The following SLC9B1 variants were observed in gnomAD, a reference collection of about 807,000 sequenced individuals.
The protein encoded by SLC9B1 is solute carrier family 9 member B1, also known as sodium/hydrogen exchanger 9B1.
SLC9B1 carries 32 observed loss-of-function variants against 51.7 expected under a neutral mutation model. The observed-to-expected ratio is 0.62, with a 90% CI of 0.47 to 0.83. The LOEUF is 0.83. Ranked by LOEUF, SLC9B1 falls within the 40% of genes least tolerant of loss-of-function variation. SLC9B1 has a pLI of 0.00. For missense variants in SLC9B1, 406 were observed against 613.2 expected (o/e 0.66, Z 3.57); for synonymous variants, 145 against 212.7 (o/e 0.68, Z 2.77).
chr4:103,009,918 A>AT (rs36037588), intron 1 of SLC9B1, among the ~76,000 whole-genome samples: 82,814 of 151,798 alleles, frequency 0.55, 23,139 homozygotes, highest in African/African-American at 0.68. Context: ...CTAGGTCAGT[A>AT]TTTTTTTTAA....
At chr4:102,963,345 G>A (rs534520530) in intron 3 of SLC9B1, 1 of 247,042 alleles carries the variant, frequency 4.0e-6, no homozygotes, top group Non-Finnish European at 8.0e-6. Flanking sequence ...TGCCTTGAAA[G>A]CATCATTTAA....
chr4:102,959,092 C>A (rs1254610589), intron 3 of SLC9B1, among the ~76,000 whole-genome samples: 1 of 151,866 alleles, frequency 6.6e-6, no homozygotes, highest in East Asian at 1.9e-4. Flanking sequence ...TGTGAATGGA[C>A]TAAAATAAAA....
chr4:102,931,295 G>A (rs1736444096), intron 7 of SLC9B1, among the ~76,000 whole-genome samples: 1 of 151,620 alleles, frequency 6.6e-6, no homozygotes, highest in Non-Finnish European at 1.5e-5. Context: ...AGAGAGAGAG[G>A]GGGAAGGGAA....
intron 1 of SLC9B1, among the ~76,000 whole-genome samples, chr4:102,999,844 T>C (rs992715049): frequency 6.6e-6 from 1 of 152,206 alleles, no homozygotes; most frequent in Non-Finnish European, 1.5e-5. Context: ...TTCACACTTG[T>C]TCTATAAAGA....
chr4:102,898,894 GT>G (rs1176545100), downstream of SLC9B1, among the ~76,000 whole-genome samples: 74 of 152,044 alleles, frequency 4.9e-4, no homozygotes, highest in African/African-American at 1.7e-3. Flanking sequence ...CGCCTGGCTA[GT>G]TTTTTGTATT....
intron 11 of SLC9B1, among the ~76,000 whole-genome samples, chr4:102,903,994 G>A (rs572426218): frequency 6.6e-6 from 1 of 152,224 alleles, no homozygotes; most frequent in African/African-American, 2.4e-5. Flanking sequence ...GTGCATTTGT[G>A]TGATGGAGTG....
chr4:102,905,211 T>TTATTTATTTATA (rs2110425631), intron 11 of SLC9B1, among the ~76,000 whole-genome samples: 1 of 141,982 alleles, frequency 7.0e-6, no homozygotes, highest in South Asian at 2.1e-4. Context: ...TTGTTTTTGT[T>TTATTTATTTATA]TATTTATTTA....
intron 3 of SLC9B1, among the ~76,000 whole-genome samples, chr4:102,973,752 AC>A (rs1738883468): frequency 6.6e-6 from 1 of 152,222 alleles, no homozygotes; most frequent in African/African-American, 2.4e-5. Context: ...CTAAAGGCAT[AC>A]CTTAAATAAT....
intron 3 of SLC9B1, among the ~76,000 whole-genome samples, chr4:102,977,940 T>C (rs1164580852): frequency 6.6e-6 from 1 of 152,168 alleles, no homozygotes; most frequent in Non-Finnish European, 1.5e-5. Context: ...GTGTATCTCC[T>C]AATGCTATCC....
chr4:103,011,833 T>C (rs1393304001), intron 1 of SLC9B1, among the ~76,000 whole-genome samples: 1 of 152,156 alleles, frequency 6.6e-6, no homozygotes, highest in African/African-American at 2.4e-5. Flanking sequence ...ATGGACACCC[T>C]GGGCCCCTCC....
At chr4:102,921,001 AG>A (rs1192245909) in intron 7 of SLC9B1, among the ~76,000 whole-genome samples, 15 of 152,248 alleles carry the variant, frequency 9.9e-5, no homozygotes, top group African/African-American at 3.6e-4. Flanking sequence ...GATATTATCC[AG>A]GAGAACTTCC....
At chr4:102,924,906 C>T (rs1736078697) in intron 7 of SLC9B1, among the ~76,000 whole-genome samples, 1 of 152,188 alleles carries the variant, frequency 6.6e-6, no homozygotes, top group South Asian at 2.1e-4. Flanking sequence ...CAGGAAACAA[C>T]AGGTGCTGGA....
rs777538179 is a variant in SLC9B1, at chr4:102,989,797, T to A, written c.211+3A>T. On this transcript the variant is annotated splice_donor_region_variant and intron_variant, in intron 3 of 11. Coordinates refer to ENST00000296422, the MANE Select transcript of SLC9B1 (RefSeq NM_139173.4). ...CTTCATTTACATTTTTTGTTTCACA[T>A]ACCATTTGTAATAATTACATTCAAT... 3.2e-6 allele frequency: 5 copies of A among 1,556,904 alleles called. No homozygotes were observed. The highest frequency in any genetic ancestry group is 4.4e-6 in the Non-Finnish European group (5 of 1,149,406).
intron 3 of SLC9B1, among the ~76,000 whole-genome samples, chr4:102,960,203 T>TTATATA (rs35932337): frequency 4.6e-5 from 7 of 150,792 alleles, no homozygotes; most frequent in African/African-American, 1.7e-4. Flanking sequence ...CTTGACTATA[T>TTATATA]TATATATATA....
At chr4:102,899,705 C>A (rs533638897), downstream of SLC9B1, among the ~76,000 whole-genome samples, 123 of 152,266 alleles carry the variant, frequency 8.1e-4, 2 homozygotes, top group South Asian at 3.7e-3. Context: ...AGCCACAACA[C>A]CCTGCTTATA....
chr4:102,921,619 C>A (rs1258498413), intron 7 of SLC9B1, among the ~76,000 whole-genome samples: 1 of 152,068 alleles, frequency 6.6e-6, no homozygotes. Context: ...GACTGGCAAA[C>A]TGGATAAAGA....
intron 3 of SLC9B1, among the ~76,000 whole-genome samples, chr4:102,967,549 T>C (rs1455519594): frequency 4.6e-5 from 7 of 151,954 alleles, no homozygotes. Flanking sequence ...CAAAGGGGAG[T>C]AGGCATGTAC....
At chr4:103,018,476 T>C (rs374669394) in intron 1 of SLC9B1, among the ~76,000 whole-genome samples, 3 of 152,116 alleles carry the variant, frequency 2.0e-5, no homozygotes, top group Admixed American at 6.5e-5. Flanking sequence ...GACTAAAATA[T>C]TTGGGGCATG....
intron 6 of SLC9B1, among the ~76,000 whole-genome samples, chr4:102,943,650 A>G (rs1391953656): frequency 6.6e-6 from 1 of 152,096 alleles, no homozygotes; most frequent in East Asian, 1.9e-4. Flanking sequence ...GAATGAAAAA[A>G]CCAAACATTG....
Sources: allele counts gnomAD v4.1 joint callset (sites outside exome capture counted in the v4.1 genomes callset), GRCh38; gene constraint gnomAD v4.1.1; transcripts MANE v1.5; gene names NCBI Gene and HGNC (gene_info 2026-07-23, HGNC 2026-07-21).